Variants in TNRC6A observed in about 807,000 individuals in gnomAD.
TNRC6A encodes trinucleotide repeat containing adaptor 6A.
Under a neutral mutation model 221.2 loss-of-function variants are expected in TNRC6A, and 44 were observed. The observed-to-expected ratio is 0.20, with a 90% CI of 0.16 to 0.26. The LOEUF is 0.26. TNRC6A is among the 10% of genes least tolerant of loss of function. TNRC6A has a pLI of 1.00. For synonymous variants in TNRC6A, 847 were observed against 838.5 expected (o/e 1.01, Z -0.18); for missense variants, 2,199 against 2,404.4 (o/e 0.91, Z 1.79).
At chr16:24,707,445 G>A (rs1313959766) in intron 2 of TNRC6A, among the ~76,000 whole-genome samples, 1 of 151,654 alleles carries the variant, frequency 6.6e-6, no homozygotes, top group African/African-American at 2.4e-5. Context: ...GAAAAAATTA[G>A]CTACATAAAA....
chr16:24,792,540 T>A (rs148429431), intron 6 of TNRC6A, among the ~76,000 whole-genome samples: 2,035 of 151,826 alleles, frequency 0.013, 19 homozygotes, highest in Middle Eastern at 0.024. Context: ...TTAGGTTTGA[T>A]TCTTAAAAGG....
intron 5 of TNRC6A, among the ~76,000 whole-genome samples, chr16:24,787,407 G>T (rs963577763): frequency 6.6e-6 from 1 of 152,112 alleles, no homozygotes; most frequent in African/African-American, 2.4e-5. Flanking sequence ...GCAAGTGAAG[G>T]TAATACCTAT....
intron 2 of TNRC6A, among the ~76,000 whole-genome samples, chr16:24,748,278 G>A (rs1442925152): frequency 1.3e-5 from 2 of 152,212 alleles, no homozygotes; most frequent in Non-Finnish European, 2.9e-5. Flanking sequence ...ACTTCTGCAT[G>A]TCTCAGGGTA....
At chr16:24,760,228 C>T (rs1296397660) in intron 4 of TNRC6A, among the ~76,000 whole-genome samples, 1 of 152,142 alleles carries the variant, frequency 6.6e-6, no homozygotes. Context: ...TTGAATGGGT[C>T]TCTCCAAGTA....
At chr16:24,709,819 T>C (rs941535809) in intron 2 of TNRC6A, among the ~76,000 whole-genome samples, 3 of 88,582 alleles carry the variant, frequency 3.4e-5, no homozygotes, top group Non-Finnish European at 5.4e-5. Flanking sequence ...AACAAGACCC[T>C]GTCTCAAAAA....
At chr16:24,722,288 C>G (rs1315400723) in intron 2 of TNRC6A, among the ~76,000 whole-genome samples, 1 of 152,082 alleles carries the variant, frequency 6.6e-6, no homozygotes, top group Non-Finnish European at 1.5e-5. Context: ...GTGACACACA[C>G]CTCTCATTCT....
chr16:24,660,048 T>C (rs2054996127), intron 2 of TNRC6A, among the ~76,000 whole-genome samples: 1 of 152,164 alleles, frequency 6.6e-6, no homozygotes, highest in Admixed American at 6.5e-5. Context: ...CTGTAATTAT[T>C]TTGATGCCAT....
chr16:24,635,111 A>C lies in TNRC6A; in HGVS notation n.277-5773A>C, dbSNP rs528302424. 8.6e-3 allele frequency among the ~76,000 whole-genome samples: 1,052 copies of C among 121,652 alleles called. 10 individuals carry two copies. Among genetic ancestry groups the C allele is most frequent in the South Asian group, 0.038 (135 of 3,540 alleles). 79.8% of individuals were successfully genotyped at this position (121,652 alleles called of 152,430 possible). ...CTTTTCTTTCTTTCTTTCTTTCTTT[A>C]TTTCTTTTCTTTCTTTTTCTTTCTT... On this transcript the variant is annotated intron_variant and non_coding_transcript_variant, in intron 1 of 2. Coordinates refer to the TNRC6A transcript ENST00000566108.
intron 21 of TNRC6A, among the ~76,000 whole-genome samples, chr16:24,819,043 A>G (rs2058712444): frequency 6.6e-6 from 1 of 152,104 alleles, no homozygotes; most frequent in Admixed American, 6.5e-5. Context: ...ATACTTTTGT[A>G]AAATACGGTA....
chr16:24,660,534 A>G (rs891465802), intron 2 of TNRC6A, among the ~76,000 whole-genome samples: 1 of 151,784 alleles, frequency 6.6e-6, no homozygotes, highest in Non-Finnish European at 1.5e-5. Context: ...AATAGTGTGA[A>G]TTGTGCTGCT....
chr16:24,764,047 A>C (rs1354407805), intron 4 of TNRC6A, among the ~76,000 whole-genome samples: 1 of 152,174 alleles, frequency 6.6e-6, no homozygotes, highest in East Asian at 1.9e-4. Flanking sequence ...ACTATATATC[A>C]GATCCCTAGA....
In TNRC6A at chr16:24,790,703, T is replaced by A. The variant is rs750683456; in HGVS notation, c.2061T>A (p.Thr687=). Residue 687 remains threonine, a synonymous_variant, in exon 6 of 25, where the codon ACT becomes ACA. Coordinates refer to ENST00000395799, the MANE Select transcript of TNRC6A (RefSeq NM_014494.4). Reference sequence around the variant, plus strand: ...CTGGACGCCTTGAGGAAAAAGGAACTGGGGAAAGTCAGAGTAGAGACAGAA... The same window carrying A: ...CTGGACGCCTTGAGGAAAAAGGAACAGGGGAAAGTCAGAGTAGAGACAGAA... The part of the protein sequence containing the change: ...ESTGRLEEKG[T]GESQSRDRRK... 5.6e-6 allele frequency: 9 copies of A among 1,614,136 alleles called. No individual in the cohort carries two copies. Among genetic ancestry groups the A allele is most frequent in the Admixed American group, 1.7e-5 (1 of 60,014 alleles).
At chr16:24,762,653 C>T (rs544870786) in intron 4 of TNRC6A, among the ~76,000 whole-genome samples, 5 of 152,316 alleles carry the variant, frequency 3.3e-5, no homozygotes, top group Admixed American at 1.3e-4. Flanking sequence ...GGTAAGTTTA[C>T]GTTTAATCCT....
At position 24,643,104 on chromosome 16, in the gene TNRC6A, A is replaced by AT. The variant is rs1567319413; in HGVS notation, n.402+2096dup. 2.5e-4 allele frequency among the ~76,000 whole-genome samples: 16 copies of AT among 63,498 alleles called. 1 individual carries two copies. The highest frequency in any genetic ancestry group is 2.0e-3 in the South Asian group (3 of 1,512). The allele number at this position is 63,498 out of a possible 152,430, so 41.7% of individuals were successfully genotyped here. A position where few individuals can be genotyped will look rare whatever the true frequency, so the allele number is the denominator to read the frequency against. On this transcript the variant is annotated intron_variant and non_coding_transcript_variant, in intron 2 of 2. Transcript: ENST00000566108. The stretch of plus-strand genomic sequence containing the variant: ...TTATATATATATATTTTATATATAT[A>AT]TATAAAATATATATATATAAAATAT...
chr16:24,718,275 T>C (rs2056351245), intron 2 of TNRC6A, among the ~76,000 whole-genome samples: 1 of 152,202 alleles, frequency 6.6e-6, no homozygotes. Context: ...CTCAAGGCGT[T>C]CTTTTCAGAG....
intron 4 of TNRC6A, among the ~76,000 whole-genome samples, chr16:24,765,192 C>T (rs1006646680): frequency 1.3e-5 from 2 of 152,264 alleles, no homozygotes; most frequent in African/African-American, 4.8e-5. Context: ...TCTATTATAA[C>T]GAATTTCAGG....
At chr16:24,639,920 G>A (rs117439856) in intron 1 of TNRC6A, among the ~76,000 whole-genome samples, 10,834 of 152,236 alleles carry the variant, frequency 0.071, 517 homozygotes, top group Non-Finnish European at 0.1. Context: ...GCTTCCCAAA[G>A]CTCTGGGATC....
At chr16:24,723,158 C>T (rs2151099095) in intron 2 of TNRC6A, among the ~76,000 whole-genome samples, 1 of 152,288 alleles carries the variant, frequency 6.6e-6, no homozygotes, top group South Asian at 2.1e-4. Flanking sequence ...ATTACAGTAT[C>T]AGATTTTCCA....
At chr16:24,657,788 T>C (rs573133546) in intron 2 of TNRC6A, among the ~76,000 whole-genome samples, 1 of 152,030 alleles carries the variant, frequency 6.6e-6, no homozygotes, top group South Asian at 2.1e-4. Flanking sequence ...TAAGAGAATA[T>C]TTTGTCAATT....
Sources: allele counts gnomAD v4.1 joint callset (sites outside exome capture counted in the v4.1 genomes callset), GRCh38; gene constraint gnomAD v4.1.1; transcripts MANE v1.5; gene names NCBI Gene and HGNC (gene_info 2026-07-23, HGNC 2026-07-21).